SYT16: variants seen among roughly 807,000 people sequenced by gnomAD.
SYT16 encodes synaptotagmin 16, also known as synaptotagmin-16.
A neutral mutation model predicts 61.4 loss-of-function variants in SYT16; 42 were observed. The observed-to-expected ratio is 0.68, with a 90% confidence interval of 0.53 to 0.89. The LOEUF is 0.89. Among genes scored for constraint, SYT16 ranks in the 40% least tolerant of loss-of-function variants. The pLI is 0.00. For synonymous variants in SYT16, 314 were observed against 302.3 expected, an observed-to-expected ratio of 1.04 and a Z score of -0.40; for missense variants, 804 against 807.3, an observed-to-expected ratio of 1.00 and a Z score of 0.05.
intron 1 of SYT16, among the ~76,000 whole-genome samples, chr14:61,871,493 T>A (rs1252328079): frequency 6.6e-6 from 1 of 152,196 alleles, no homozygotes; most frequent in Non-Finnish European, 1.5e-5. Context: ...CTGTTTGGGC[T>A]CCCCTTCCCT....
chr14:61,813,432 G>A (rs2045329889), intron 1 of SYT16, among the ~76,000 whole-genome samples: 1 of 152,148 alleles, frequency 6.6e-6, no homozygotes, highest in Non-Finnish European at 1.5e-5. Context: ...TTATGGCTCA[G>A]TGCCTTTGGA....
In SYT16 at chr14:62,100,632, A is replaced by G; in HGVS notation, c.1863A>G (p.Glu621=). ...GCCAGAACAGCAGTGGAGAGGAGGA[A>G]CAAGATCACTGGGAGGAGATGAAGG... The part of the protein sequence containing the change: ...ALGQNSSGEE[E]QDHWEEMKET... The change falls in exon 8 of 8, where the codon GAA becomes GAG. Residue 621 remains glutamate (E), a synonymous_variant. Coordinates refer to ENST00000683842, the MANE Select transcript of SYT16 (RefSeq NM_001367656.1). 2 of 1,613,874 alleles carry G rather than the reference A, an allele frequency of 1.2e-6. No homozygotes were observed. Among genetic ancestry groups the G allele is most frequent in the Non-Finnish European group, 8.5e-7 (1 of 1,179,822 alleles).
chr14:61,955,182 A>G (rs1012411862), intron 1 of SYT16, among the ~76,000 whole-genome samples: 5 of 152,088 alleles, frequency 3.3e-5, no homozygotes, highest in Non-Finnish European at 7.4e-5. Flanking sequence ...GTTTGCAGAT[A>G]AGTATGTACC....
At position 62,081,293 on chromosome 14, in the gene SYT16, G is replaced by A. The variant is rs779440005; in HGVS notation, c.1434+19G>A. The A allele has an allele frequency of 1.2e-6, 2 of 1,603,672 alleles. No homozygotes were observed. The highest frequency in any genetic ancestry group is 1.7e-4 in the Middle Eastern group (1 of 6,026). On this transcript the variant is annotated intron_variant, in intron 6 of 7. Coordinates refer to ENST00000683842, the MANE Select transcript of SYT16 (RefSeq NM_001367656.1). ...TATAAGCGTGAGTATGTTAAATGGTGCTGCTAATGATGTGGTGTGTTCGAA... is the reference window on the plus strand; with the variant it reads ...TATAAGCGTGAGTATGTTAAATGGTACTGCTAATGATGTGGTGTGTTCGAA...
At chr14:61,870,337 T>C (rs1290750164) in intron 1 of SYT16, among the ~76,000 whole-genome samples, 2 of 152,174 alleles carry the variant, frequency 1.3e-5, no homozygotes, top group South Asian at 2.1e-4. Context: ...ATATTGTCAT[T>C]CTCATTGCTG....
intron 1 of SYT16, among the ~76,000 whole-genome samples, chr14:61,928,360 C>T (rs2049619593): frequency 6.6e-6 from 1 of 152,096 alleles, no homozygotes; most frequent in South Asian, 2.1e-4. Context: ...GAACAATTGG[C>T]AGGAAAAAAG....
At chr14:62,016,513 G>T (rs1187916475) in intron 3 of SYT16, among the ~76,000 whole-genome samples, 1 of 141,246 alleles carries the variant, frequency 7.1e-6, no homozygotes, top group Non-Finnish European at 1.5e-5. Flanking sequence ...CTAACACGGT[G>T]TGAAACCCTG....
At chr14:61,901,490 G>T (rs1433563412) in intron 1 of SYT16, among the ~76,000 whole-genome samples, 4 of 152,118 alleles carry the variant, frequency 2.6e-5, no homozygotes, top group Non-Finnish European at 5.9e-5. Context: ...TGCATTCTGG[G>T]TAGCAGTCTG....
rs754574297 is a variant in SYT16, at chr14:62,081,275, G to T, written c.1434+1G>T. On this transcript the variant is annotated splice_donor_variant, in intron 6 of 7. Transcript: ENST00000683842. LOFTEE classifies it high-confidence loss of function. ...TCTGGAGCCAAGAAGTAATATAAGCGTGAGTATGTTAAATGGTGCTGCTAA... is the reference window on the plus strand; with the variant it reads ...TCTGGAGCCAAGAAGTAATATAAGCTTGAGTATGTTAAATGGTGCTGCTAA... 1 of 1,611,998 alleles carries T rather than the reference G, an allele frequency of 6.2e-7. No homozygotes were observed. Among genetic ancestry groups the T allele is most frequent in the Non-Finnish European group, 8.5e-7 (1 of 1,178,830 alleles).
chr14:61,934,127 T>A (rs2140432661), intron 1 of SYT16, among the ~76,000 whole-genome samples: 1 of 152,362 alleles, frequency 6.6e-6, no homozygotes, highest in East Asian at 1.9e-4. Context: ...ATGAGATATT[T>A]CTATGCTTAT....
intron 1 of SYT16, among the ~76,000 whole-genome samples, chr14:61,955,253 G>A (rs1023851249): frequency 7.2e-5 from 11 of 152,168 alleles, no homozygotes; most frequent in African/African-American, 2.6e-4. Flanking sequence ...GCCTCTAAAA[G>A]TTTCATACTG....
intron 3 of SYT16, among the ~76,000 whole-genome samples, chr14:62,059,694 A>AATTTATATATATGTG (rs1555378063): frequency 8.3e-5 from 12 of 144,210 alleles, no homozygotes; most frequent in African/African-American, 3.2e-4. Flanking sequence ...ATATATATGT[A>AATTTATATATATGTG]TATATATACA....
intron 1 of SYT16, among the ~76,000 whole-genome samples, chr14:61,963,291 G>T (rs964318700): frequency 6.6e-6 from 1 of 152,166 alleles, no homozygotes; most frequent in African/African-American, 2.4e-5. Context: ...CCAAAAGCTA[G>T]ATCTCTTGTA....
chr14:61,958,598 A>G (rs1449955927), intron 1 of SYT16, among the ~76,000 whole-genome samples: 1 of 151,728 alleles, frequency 6.6e-6, no homozygotes, highest in Non-Finnish European at 1.5e-5. Flanking sequence ...GTTTTATTTC[A>G]TTGTGACTGA....
chr14:61,999,299 A>C (rs570000260), intron 3 of SYT16, among the ~76,000 whole-genome samples: 2 of 151,970 alleles, frequency 1.3e-5, no homozygotes, highest in South Asian at 4.1e-4. Flanking sequence ...CAATTTATTT[A>C]ATAGGTATAA....
intron 1 of SYT16, among the ~76,000 whole-genome samples, chr14:61,903,289 C>T (rs2048585907): frequency 1.3e-5 from 2 of 150,976 alleles, no homozygotes; most frequent in Non-Finnish European, 2.9e-5. Context: ...GGGTGGGGCA[C>T]AATTCAACCT....
chr14:62,032,375 C>G (rs1850009341), intron 3 of SYT16, among the ~76,000 whole-genome samples: 1 of 151,936 alleles, frequency 6.6e-6, no homozygotes, highest in South Asian at 2.1e-4. Context: ...GAATAGTATA[C>G]CATCCTAAAA....
At chr14:61,828,074 C>CGCAGACACAGAGAGGATCATGT (rs2045828198) in intron 1 of SYT16, among the ~76,000 whole-genome samples, 1 of 152,108 alleles carries the variant, frequency 6.6e-6, no homozygotes. Context: ...GAGACTTGGA[C>CGCAGACACAGAGAGGATCATGT]GCAGACACAG....
At chr14:61,863,330 T>A (rs548640886) in intron 1 of SYT16, among the ~76,000 whole-genome samples, 1 of 152,364 alleles carries the variant, frequency 6.6e-6, no homozygotes, top group Admixed American at 6.5e-5. Context: ...ACATGGTATC[T>A]CATTGTTTTA....
Sources: gnomAD v4.1 joint callset for allele counts (sites outside exome capture counted in the v4.1 genomes callset) on GRCh38, gnomAD v4.1.1 for gene constraint, MANE v1.5 for transcripts, NCBI Gene and HGNC (gene_info 2026-07-23, HGNC 2026-07-21) for gene names.